The following SLC4A5 variants were observed in gnomAD, a reference collection of about 807,000 sequenced individuals.
SLC4A5 encodes the protein solute carrier family 4 member 5, also known as electrogenic sodium bicarbonate cotransporter 4.
SLC4A5 carries 96 observed loss-of-function variants against 120.4 expected under a neutral mutation model. The observed-to-expected ratio is 0.80, with a 90% CI of 0.68 to 0.94. The LOEUF is 0.94. Among genes scored for constraint, SLC4A5 ranks in the 40% least tolerant of loss-of-function variants. The pLI is 0.00. For missense variants in SLC4A5, 1,259 were observed against 1,459.5 expected (o/e 0.86, Z 2.24); for synonymous variants, 550 against 571.1 (o/e 0.96, Z 0.53).
At chr2:74,253,003 G>A (rs371154093) in exon 15 of SLC4A5, 322 of 1,614,058 alleles carry the variant, frequency 2.0e-4, no homozygotes, top group Non-Finnish European at 2.7e-4. Flanking sequence ...CCTTCTTGGG[G>A]GGCTCAATCC....
At chr2:74,262,770 T>C (rs965840164) in intron 10 of SLC4A5, among the ~76,000 whole-genome samples, 5 of 152,076 alleles carry the variant, frequency 3.3e-5, no homozygotes, top group African/African-American at 1.2e-4. Flanking sequence ...CACAGTGCAT[T>C]AAATGGGCAC....
At chr2:74,340,121 G>T (rs1673592188) in intron 2 of SLC4A5, among the ~76,000 whole-genome samples, 1 of 152,124 alleles carries the variant, frequency 6.6e-6, no homozygotes, top group African/African-American at 2.4e-5. Flanking sequence ...TGGTGGTGAT[G>T]GTTGTATTAC....
At chr2:74,338,629 G>A (rs1165304796) in intron 3 of SLC4A5, among the ~76,000 whole-genome samples, 1 of 152,100 alleles carries the variant, frequency 6.6e-6, no homozygotes, top group Non-Finnish European at 1.5e-5. Flanking sequence ...GACCAGTCTG[G>A]CCAACATGGT....
At chr2:74,296,035 T>C (rs1672314189) in intron 7 of SLC4A5, among the ~76,000 whole-genome samples, 1 of 152,220 alleles carries the variant, frequency 6.6e-6, no homozygotes, top group African/African-American at 2.4e-5. Context: ...GGATTTTCAT[T>C]GGTTCACTTG....
At chr2:74,252,259 C>CCCGCCACTGCCAGCCCCG (rs776315201) in exon 16 of SLC4A5, 2 of 1,609,404 alleles carry the variant, frequency 1.2e-6, no homozygotes, top group East Asian at 2.2e-5. Context: ...TTCCGCCGGC[C>CCCGCCACTGCCAGCCCCG]CCGCCACTGC....
At chr2:74,221,392 T>C in intron 30 of SLC4A5, 42 bp downstream of exon 30, 1 of 1,462,924 alleles carries the variant, frequency 6.8e-7, no homozygotes, top group Non-Finnish European at 9.6e-7. Flanking sequence ...CATTTCCTAG[T>C]CTCTTACCTA....
At chr2:74,230,843 G>A (rs1286251497) in intron 25 of SLC4A5, among the ~76,000 whole-genome samples, 1 of 151,846 alleles carries the variant, frequency 6.6e-6, no homozygotes, top group Admixed American at 6.6e-5. Flanking sequence ...TTTCGCTCTT[G>A]CTGCCCAGGC....
rs1573090819 is a variant in SLC4A5 at position 74,311,082 on chromosome 2, A to C, written c.79+3863T>G. ...TTAGTCCATTTCACCTAAGTTATCA[A>C]ATTTGTAGGCACAGAGTTGCTCATA... On this transcript the variant is annotated intron_variant, in intron 6 of 30. Transcript: ENST00000394019. Among the ~76,000 whole-genome samples, 3 of 152,056 alleles carry C rather than the reference A, an allele frequency of 2.0e-5. No homozygotes were observed. In the South Asian group the frequency reaches 6.2e-4, roughly 31 times the overall value.
rs551677003 is a variant in SLC4A5, at chr2:74,295,622, A to G, written c.271+8867T>C. ...GCACTCCAGCCTGGGCAATAGAGGG[A>G]GACTCCTTCTCAAAAACAAAAAACA... On this transcript the variant is annotated intron_variant, in intron 7 of 30. Coordinates refer to ENST00000394019, the Ensembl canonical transcript of SLC4A5. Among the ~76,000 whole-genome samples the G allele has an allele frequency of 4.6e-5, 7 of 152,282 alleles. No individual in the cohort carries two copies. In the South Asian group the frequency reaches 1.5e-3, roughly 32 times the overall value.
chr2:74,293,789 T>C (rs1672246913), intron 7 of SLC4A5, among the ~76,000 whole-genome samples: 1 of 152,252 alleles, frequency 6.6e-6, no homozygotes, highest in Non-Finnish European at 1.5e-5. Context: ...GGCATTGTGA[T>C]AAAATTACCT....
intron 7 of SLC4A5, among the ~76,000 whole-genome samples, chr2:74,288,970 C>T (rs953815763): frequency 2.0e-5 from 3 of 152,196 alleles, no homozygotes; most frequent in African/African-American, 7.2e-5. Context: ...TAATGTCTTT[C>T]ATTTGCTTCA....
chr2:74,307,300 G>A (rs1428423994), intron 6 of SLC4A5: 1 of 537,476 alleles, frequency 1.9e-6, no homozygotes, highest in Non-Finnish European at 3.5e-6. Context: ...TAAGATTTGG[G>A]GACATGTACC....
chr2:74,254,721 G>C lies in SLC4A5; in HGVS notation c.1026-15C>G. 6.4e-7 allele frequency: 1 copy of C among 1,573,600 alleles called. No individual in the cohort carries two copies. The highest frequency in any genetic ancestry group is 8.7e-7 in the Non-Finnish European group (1 of 1,143,460). On this transcript the variant is annotated splice_polypyrimidine_tract_variant and intron_variant, in intron 13 of 30. Transcript: ENST00000394019. ...TAAACAGAAATCTGCAAAGAAGATG[G>C]AGGAGGAGACAGAGAAGATTAAGGA...
intron 27 of SLC4A5, among the ~76,000 whole-genome samples, chr2:74,226,496 G>A (rs1178984708): frequency 6.6e-6 from 1 of 152,098 alleles, no homozygotes; most frequent in Non-Finnish European, 1.5e-5. Flanking sequence ...TACCATCATT[G>A]GGTTTTGTTG....
In SLC4A5 at chr2:74,323,426, C is replaced by T. The variant is rs978146414; in HGVS notation, c.-3+4694G>A. ...CTAGGAAGTTCTTTAAAAAAGTTAC[C>T]CATCATTAATCAAGAAGGAGAAGAC... On this transcript the variant is annotated intron_variant, in intron 5 of 30. Transcript: ENST00000394019. Among the ~76,000 whole-genome samples, 5 of 151,996 alleles carry T rather than the reference C, an allele frequency of 3.3e-5. No individual in the cohort carries two copies. The South Asian group carries it at 8.3e-4, about 25-fold the overall frequency.
At position 74,332,357 on chromosome 2, in the gene SLC4A5, T is replaced by C. The variant is rs186596537; in HGVS notation, c.-70+1670A>G. On this transcript the variant is annotated intron_variant, in intron 4 of 30. Transcript: ENST00000394019. ...ATACATTGACAGTTCTGGTCAGATG[T>C]TGGGACTCTTAATGGATAACTTCCC... 8.5e-5 allele frequency among the ~76,000 whole-genome samples: 13 copies of C among 152,288 alleles called. No individual in the cohort carries two copies. In the East Asian group the frequency reaches 1.7e-3, roughly 20 times the overall value.
intron 27 of SLC4A5, 109 bp from the exon 28 acceptor site, chr2:74,225,104 AC>A: frequency 9.5e-7 from 1 of 1,057,084 alleles, no homozygotes; most frequent in Non-Finnish European, 1.4e-6. Flanking sequence ...GAGTTCAGGG[AC>A]TTTTTGTGGT....
intron 12 of SLC4A5, among the ~76,000 whole-genome samples, chr2:74,258,017 C>T (rs934882101): frequency 2.6e-5 from 4 of 152,246 alleles, no homozygotes; most frequent in African/African-American, 9.6e-5. Context: ...TCCAACCAAC[C>T]CTGGCTTGCC....
chr2:74,305,103 G>C (rs2104260886), intron 6 of SLC4A5, among the ~76,000 whole-genome samples: 1 of 152,266 alleles, frequency 6.6e-6, no homozygotes, highest in East Asian at 1.9e-4. Flanking sequence ...TAACAATCAA[G>C]GACTACATAG....
Sources: allele counts gnomAD v4.1 joint callset (sites outside exome capture counted in the v4.1 genomes callset), GRCh38; gene constraint gnomAD v4.1.1; transcripts MANE v1.5; gene names NCBI Gene and HGNC (gene_info 2026-07-23, HGNC 2026-07-21).